Variants in CNTNAP2 observed in about 807,000 individuals in gnomAD.
CNTNAP2 encodes contactin-associated protein-like 2.
Under a neutral mutation model 155.2 loss-of-function variants are expected in CNTNAP2, and 98 were observed. The observed-to-expected ratio is 0.63, with a 90% CI of 0.54 to 0.75. The LOEUF is 0.75. Ranked by LOEUF, CNTNAP2 falls within the 30% of genes least tolerant of loss-of-function variation. The pLI, the probability that CNTNAP2 is intolerant of heterozygous loss-of-function variation, is 0.00. For synonymous variants in CNTNAP2, 651 were observed against 631.2 expected, an observed-to-expected ratio of 1.03 and a Z score of -0.47; for missense variants, 1,727 against 1,688.1, an observed-to-expected ratio of 1.02 and a Z score of -0.40.
At chr7:147,890,032 A>G (rs1799664206) in intron 13 of CNTNAP2, among the ~76,000 whole-genome samples, 1 of 151,854 alleles carries the variant, frequency 6.6e-6, no homozygotes, top group Non-Finnish European at 1.5e-5. Flanking sequence ...CTAAAAAGAC[A>G]CTTTTACAAA....
intron 14 of CNTNAP2, among the ~76,000 whole-genome samples, chr7:147,949,813 C>T (rs1166515286): frequency 6.6e-6 from 1 of 151,926 alleles, no homozygotes; most frequent in Non-Finnish European, 1.5e-5. Flanking sequence ...TAAGAAGCTT[C>T]GAGGAGAATG....
intron 1 of CNTNAP2, among the ~76,000 whole-genome samples, chr7:146,181,362 A>C (rs1428672515): frequency 1.3e-5 from 2 of 152,148 alleles, no homozygotes; most frequent in African/African-American, 4.8e-5. Flanking sequence ...CTTTCTTATC[A>C]GTAACAGAAA....
In CNTNAP2 at chr7:147,229,986, C is replaced by T. The variant is rs144130610; in HGVS notation, c.1349-70155C>T. The stretch of plus-strand genomic sequence containing the variant: ...TTGAAACTTACTATACATCAAACTA[C>T]GAGTTTCCAATCTTTAAGCAAAAAT... On this transcript the variant is annotated intron_variant, in intron 8 of 23. Coordinates refer to ENST00000361727, the MANE Select transcript of CNTNAP2 (RefSeq NM_014141.6). Among the ~76,000 whole-genome samples the T allele has an allele frequency of 6.2e-3, 945 of 152,096 alleles. 24 individuals are homozygous for T. The highest frequency in any genetic ancestry group is 0.04 in the Admixed American group (616 of 15,274).
intron 3 of CNTNAP2, among the ~76,000 whole-genome samples, chr7:146,887,634 T>C (rs1795694097): frequency 6.6e-6 from 1 of 152,132 alleles, no homozygotes; most frequent in South Asian, 2.1e-4. Context: ...TTTGTTGAAA[T>C]CCAGGCATAC....
intron 1 of CNTNAP2, among the ~76,000 whole-genome samples, chr7:146,313,912 T>C (rs1286963345): frequency 6.6e-6 from 1 of 152,040 alleles, no homozygotes; most frequent in Non-Finnish European, 1.5e-5. Context: ...GGCAGGGGAA[T>C]CTCTTGAACC....
At chr7:147,258,581 A>G (rs1804382109) in intron 8 of CNTNAP2, among the ~76,000 whole-genome samples, 1 of 152,126 alleles carries the variant, frequency 6.6e-6, no homozygotes, top group African/African-American at 2.4e-5. Flanking sequence ...GAACTCACCT[A>G]TAACTGTATG....
At chr7:147,235,648 C>T (rs185247991) in intron 8 of CNTNAP2, among the ~76,000 whole-genome samples, 408 of 152,180 alleles carry the variant, frequency 2.7e-3, no homozygotes, top group African/African-American at 9.2e-3. Flanking sequence ...TATTTTTTCA[C>T]ACTGAAGCCC....
At chr7:147,317,548 C>G (rs1206128983) in intron 9 of CNTNAP2, among the ~76,000 whole-genome samples, 1 of 152,182 alleles carries the variant, frequency 6.6e-6, no homozygotes, top group African/African-American at 2.4e-5. Flanking sequence ...TTTCCTCTGT[C>G]TGGAATGTTC....
chr7:146,335,726 A>G (rs1801263350), intron 1 of CNTNAP2, among the ~76,000 whole-genome samples: 1 of 152,116 alleles, frequency 6.6e-6, no homozygotes, highest in Admixed American at 6.5e-5. Context: ...TGTTCCTACA[A>G]GTGTTCATAT....
chr7:147,061,514 G>A (rs561569747), intron 4 of CNTNAP2, among the ~76,000 whole-genome samples: 12 of 137,550 alleles, frequency 8.7e-5, no homozygotes, highest in Middle Eastern at 3.9e-3. Flanking sequence ...TTATTTCAGG[G>A]TCTTATCGTG....
At chr7:147,189,988 C>A (rs1294291397) in intron 8 of CNTNAP2, among the ~76,000 whole-genome samples, 5 of 152,170 alleles carry the variant, frequency 3.3e-5, no homozygotes, top group Admixed American at 2.0e-4. Context: ...TCGTGATCCA[C>A]CCGCCTCGGC....
At chr7:146,495,327 G>A (rs193166908) in intron 1 of CNTNAP2, among the ~76,000 whole-genome samples, 5 of 152,270 alleles carry the variant, frequency 3.3e-5, no homozygotes, top group African/African-American at 4.8e-5. Context: ...ATTAAGGTTT[G>A]TTCTAGCTGA....
In CNTNAP2 at chr7:148,112,568, A is replaced by AT. The variant is rs534519938; in HGVS notation, c.2384-5542dup. 3.3e-3 allele frequency among the ~76,000 whole-genome samples: 505 copies of AT among 151,518 alleles called. 1 individual carries two copies. The highest frequency in any genetic ancestry group is 0.012 in the African/African-American group (488 of 41,330). The stretch of plus-strand genomic sequence containing the variant: ...CCCAAGTAGCTAGAACTACACAGCT[A>AT]TTTTTTTTCAGAGACAGGATCTCAC... On this transcript the variant is annotated intron_variant, in intron 15 of 23. Transcript: ENST00000361727.
At chr7:147,012,305 C>A (rs1455669805) in intron 3 of CNTNAP2, among the ~76,000 whole-genome samples, 1 of 152,048 alleles carries the variant, frequency 6.6e-6, no homozygotes, top group African/African-American at 2.4e-5. Context: ...AGAGCATATT[C>A]TTGTTTGTAG....
At chr7:146,154,384 T>A (rs1798094899) in intron 1 of CNTNAP2, among the ~76,000 whole-genome samples, 1 of 152,216 alleles carries the variant, frequency 6.6e-6, no homozygotes, top group African/African-American at 2.4e-5. Flanking sequence ...TAATATTGAT[T>A]CCAGAATTTG....
At chr7:146,422,185 C>T (rs1796022117) in intron 1 of CNTNAP2, among the ~76,000 whole-genome samples, 1 of 151,132 alleles carries the variant, frequency 6.6e-6, no homozygotes, top group African/African-American at 2.4e-5. Flanking sequence ...TTTAGTGCAC[C>T]TGTCACCTGA....
intron 12 of CNTNAP2, among the ~76,000 whole-genome samples, chr7:147,569,045 C>G (rs189039386): frequency 2.2e-4 from 34 of 152,264 alleles, no homozygotes; most frequent in African/African-American, 8.2e-4. Flanking sequence ...TGCATTCTTC[C>G]TAGCCCTGGT....
intron 1 of CNTNAP2, among the ~76,000 whole-genome samples, chr7:146,721,711 CTATA>C (rs1242878725): frequency 5.0e-4 from 47 of 94,314 alleles, no homozygotes; most frequent in Non-Finnish European, 7.7e-4. Context: ...TATATACATT[CTATA>C]TATATTCTAA....
At chr7:147,697,218 C>G (rs1439570615) in intron 13 of CNTNAP2, among the ~76,000 whole-genome samples, 1 of 152,166 alleles carries the variant, frequency 6.6e-6, no homozygotes, top group Non-Finnish European at 1.5e-5. Flanking sequence ...CTTAGCATTT[C>G]TTTTTTGTTC....
Sources: allele counts gnomAD v4.1 joint callset (sites outside exome capture counted in the v4.1 genomes callset), GRCh38; gene constraint gnomAD v4.1.1; transcripts MANE v1.5; gene names NCBI Gene and HGNC (gene_info 2026-07-23, HGNC 2026-07-21).